Variants in LINGO2 observed in about 807,000 individuals in gnomAD.
The protein encoded by LINGO2 is leucine-rich repeat and immunoglobulin-like domain-containing nogo receptor-interacting protein 2.
In LINGO2, 14 loss-of-function variants were observed where a neutral mutation model predicts 30.6. The ratio of observed to expected loss-of-function variants is 0.46; its 90% CI spans 0.30 to 0.72. The LOEUF is 0.72. Among genes scored for constraint, LINGO2 ranks in the 30% least tolerant of loss-of-function variants. LINGO2 has a pLI of 0.07. For synonymous variants in LINGO2, 317 were observed against 288.5 expected (o/e 1.10, Z -1.00); for missense variants, 729 against 751.7 (o/e 0.97, Z 0.35).
the LINGO2 span, among the ~76,000 whole-genome samples, chr9:28,783,768 G>C: frequency 6.6e-6 from 1 of 152,320 alleles, no homozygotes; most frequent in Non-Finnish European, 1.5e-5. Context: ...TGCTATAACA[G>C]AGTGCTATAG....
At chr9:28,567,221 A>T (rs1823426562) in intron 1 of LINGO2, among the ~76,000 whole-genome samples, 1 of 152,180 alleles carries the variant, frequency 6.6e-6, no homozygotes, top group Non-Finnish European at 1.5e-5. Flanking sequence ...TTCTGTGGAA[A>T]ACAGTAGAAA....
chr9:28,045,191 CAA>C (rs764527055), intron 4 of LINGO2, among the ~76,000 whole-genome samples: 3 of 152,162 alleles, frequency 2.0e-5, no homozygotes, highest in Admixed American at 6.5e-5. Context: ...CACACACACA[CAA>C]ACTACAGATT....
At chr9:28,510,080 A>T (rs921791161) in intron 1 of LINGO2, among the ~76,000 whole-genome samples, 1 of 152,192 alleles carries the variant, frequency 6.6e-6, no homozygotes, top group South Asian at 2.1e-4. Flanking sequence ...TCACTTGTTG[A>T]TTAGGGCTTG....
chr9:28,540,097 G>GA (rs1473620406), intron 1 of LINGO2, among the ~76,000 whole-genome samples: 1 of 152,024 alleles, frequency 6.6e-6, no homozygotes. Context: ...GCACAACTCT[G>GA]AAAAAACAGT....
chr9:28,566,180 A>C (rs914207529), intron 1 of LINGO2, among the ~76,000 whole-genome samples: 3 of 152,124 alleles, frequency 2.0e-5, no homozygotes, highest in Non-Finnish European at 4.4e-5. Context: ...TATTGGGAAG[A>C]TCCAAAGGTT....
chr9:28,010,915 G>A (rs1440051228), intron 5 of LINGO2, among the ~76,000 whole-genome samples: 1 of 152,174 alleles, frequency 6.6e-6, no homozygotes, highest in Non-Finnish European at 1.5e-5. Flanking sequence ...CCATGCTCAG[G>A]CCACTGCACT....
chr9:28,666,008 C>A (rs1828786799), intron 1 of LINGO2, among the ~76,000 whole-genome samples: 2 of 151,592 alleles, frequency 1.3e-5, no homozygotes, highest in Admixed American at 1.3e-4. Flanking sequence ...TCTCCTGCCT[C>A]AGCCTCCTGA....
the LINGO2 span, among the ~76,000 whole-genome samples, chr9:28,757,445 A>G: frequency 6.6e-6 from 1 of 151,978 alleles, no homozygotes; most frequent in Non-Finnish European, 1.5e-5. Context: ...CTGAATTTGT[A>G]TTCAAATTGT....
chr9:29,022,535 C>T, the LINGO2 span, among the ~76,000 whole-genome samples: 1 of 152,190 alleles, frequency 6.6e-6, no homozygotes, highest in Non-Finnish European at 1.5e-5. Context: ...GAATACAGAA[C>T]TCACTTTATG....
At chr9:28,712,799 G>A in the LINGO2 span, among the ~76,000 whole-genome samples, 1 of 151,940 alleles carries the variant, frequency 6.6e-6, no homozygotes, top group African/African-American at 2.4e-5. Flanking sequence ...GCTTAAATAT[G>A]ATTAAGAAAC....
At chr9:28,696,017 C>A in the LINGO2 span, among the ~76,000 whole-genome samples, 9 of 151,736 alleles carry the variant, frequency 5.9e-5, no homozygotes, top group African/African-American at 2.2e-4. Context: ...TAGTGAGAAA[C>A]CGTTTCCTTA....
chr9:29,100,328 G>T, the LINGO2 span, among the ~76,000 whole-genome samples: 1 of 152,096 alleles, frequency 6.6e-6, no homozygotes, highest in Non-Finnish European at 1.5e-5. Context: ...CAGGAGTGGT[G>T]GCTGATGCCT....
intron 2 of LINGO2, among the ~76,000 whole-genome samples, chr9:28,443,080 T>C (rs1824263332): frequency 6.6e-6 from 1 of 152,156 alleles, no homozygotes; most frequent in Admixed American, 6.5e-5. Context: ...ATATAGACTA[T>C]GGCATGTGCA....
At chr9:27,966,088 T>G (rs1460375880) in intron 5 of LINGO2, among the ~76,000 whole-genome samples, 1 of 152,100 alleles carries the variant, frequency 6.6e-6, no homozygotes, top group East Asian at 1.9e-4. Flanking sequence ...TTATCACTAT[T>G]TAGGCAAAGG....
At chr9:28,874,081 T>C in the LINGO2 span, among the ~76,000 whole-genome samples, 1 of 152,052 alleles carries the variant, frequency 6.6e-6, no homozygotes, top group African/African-American at 2.4e-5. Flanking sequence ...TTTGGTCATC[T>C]GCTGGCCCAT....
At chr9:28,635,921 C>A (rs1827244628) in intron 1 of LINGO2, among the ~76,000 whole-genome samples, 1 of 151,914 alleles carries the variant, frequency 6.6e-6, no homozygotes, top group Non-Finnish European at 1.5e-5. Flanking sequence ...TGTGTAGCAC[C>A]CAGTAACTCG....
intron 4 of LINGO2, among the ~76,000 whole-genome samples, chr9:28,285,445 T>G (rs1028310032): frequency 7.5e-6 from 1 of 133,938 alleles, no homozygotes; most frequent in Non-Finnish European, 1.6e-5. Flanking sequence ...TCACTCTGTC[T>G]CCCAGGCTGG....
chr9:28,034,943 G>T (rs1292817040), intron 4 of LINGO2, among the ~76,000 whole-genome samples: 3 of 152,300 alleles, frequency 2.0e-5, no homozygotes, highest in African/African-American at 7.2e-5. Context: ...TAGAGTAAGT[G>T]TAGCTAGCTA....
the LINGO2 span, among the ~76,000 whole-genome samples, chr9:28,971,050 A>T: frequency 6.6e-6 from 1 of 152,156 alleles, no homozygotes; most frequent in Non-Finnish European, 1.5e-5. Context: ...GCTCAGCCAC[A>T]GCAGGATACA....
Sources: allele counts gnomAD v4.1 joint callset (sites outside exome capture counted in the v4.1 genomes callset), GRCh38; gene constraint gnomAD v4.1.1; transcripts MANE v1.5; gene names NCBI Gene and HGNC (gene_info 2026-07-23, HGNC 2026-07-21).